APAF1: variants seen among roughly 807,000 people sequenced by gnomAD.
APAF1 encodes the protein apoptotic protease-activating factor 1.
Under a neutral mutation model 152.4 loss-of-function variants are expected in APAF1, and 91 were observed. That is an observed-to-expected ratio of 0.60 (90% CI 0.50 to 0.71). The LOEUF (loss-of-function observed/expected upper bound fraction) is 0.71, where lower values mean the gene tolerates loss of function less well. Among genes scored for constraint, APAF1 ranks in the 30% least tolerant of loss-of-function variants. APAF1 has a pLI of 0.00. For missense variants in APAF1, 1,283 were observed against 1,472.0 expected, an observed-to-expected ratio of 0.87 and a Z score of 2.10; for synonymous variants, 484 against 494.1, an observed-to-expected ratio of 0.98 and a Z score of 0.27.
Position 98,723,704 on chromosome 12 carries a change from T to A in APAF1, c.3270T>A (p.Ser1090=). The A allele has an allele frequency of 6.2e-7, 1 of 1,613,662 alleles. No homozygotes were observed. The highest frequency in any genetic ancestry group is 2.2e-5 in the East Asian group (1 of 44,836). ...DFVCHQGTVL[S]CDISHDATKF... is the part of the protein sequence containing the mutation. Reference sequence around the variant, plus strand: ...TCTGTCACCAGGGTACAGTACTTTCTTGTGACATTTCTCACGATGCTACCA... The same window carrying A: ...TCTGTCACCAGGGTACAGTACTTTCATGTGACATTTCTCACGATGCTACCA... Residue 1090 remains serine, a synonymous_variant, in exon 24 of 27, where the codon TCT becomes TCA. Transcript: ENST00000551964.
intron 21 of APAF1, among the ~76,000 whole-genome samples, chr12:98,714,844 T>C (rs1340631596): frequency 4.2e-5 from 6 of 142,198 alleles, no homozygotes; most frequent in Non-Finnish European, 6.2e-5. Flanking sequence ...TTTTTTTTTC[T>C]TTTTTTTTTT....
chr12:98,703,521 G>A (rs1425100452), intron 18 of APAF1, 22 bp downstream of exon 18: 5 of 1,613,940 alleles, frequency 3.1e-6, no homozygotes, highest in South Asian at 2.2e-5. Context: ...AATTTATTCT[G>A]TGAAGCCTGG....
intron 16 of APAF1, among the ~76,000 whole-genome samples, chr12:98,694,347 G>T (rs923547151): frequency 1.3e-5 from 2 of 152,116 alleles, no homozygotes; most frequent in African/African-American, 4.8e-5. Flanking sequence ...CAGAATGGTG[G>T]CTTCTTTCAA....
intron 22 of APAF1, among the ~76,000 whole-genome samples, chr12:98,719,732 C>T (rs2097739815): frequency 6.6e-6 from 1 of 152,148 alleles, no homozygotes; most frequent in Non-Finnish European, 1.5e-5. Flanking sequence ...GCTTTCCAGC[C>T]TCCCACATTT....
rs1419018765 is a variant in APAF1, at chr12:98,733,995, G to T, written c.*1429G>T. On this transcript the variant is annotated 3_prime_UTR_variant, in exon 27 of 27. Transcript: ENST00000551964. The stretch of plus-strand genomic sequence containing the variant: ...CCACTGCTAAATGTTAGTCATTGAG[G>T]TGGGGCCAATTTTAATCATAAGCCT... The T allele has an allele frequency of 1.3e-5, 2 of 152,270 alleles. No individual in the cohort carries two copies. Among genetic ancestry groups the T allele is most frequent in the East Asian group, 1.9e-4 (1 of 5,190 alleles). The allele number at this position is 152,270 out of a possible 1,614,324, so 9.4% of individuals were successfully genotyped here.
chr12:98,660,838 A>C (rs2097664125), intron 5 of APAF1, among the ~76,000 whole-genome samples: 1 of 152,234 alleles, frequency 6.6e-6, no homozygotes, highest in African/African-American at 2.4e-5. Flanking sequence ...CATATGTAGC[A>C]GTTGCTGAGT....
intron 12 of APAF1, 77 bp from the exon 13 acceptor site, chr12:98,677,348 T>A (rs2153322542): frequency 6.8e-7 from 1 of 1,473,440 alleles, no homozygotes; most frequent in East Asian, 2.4e-5. Flanking sequence ...AAAAGACAGT[T>A]TATTTTAGTA....
At position 98,665,540 on chromosome 12, in the gene APAF1, T is replaced by A; in HGVS notation, c.956-13T>A. On this transcript the variant is annotated splice_polypyrimidine_tract_variant and intron_variant, in intron 7 of 26. Transcript: ENST00000551964. ...GATGGTATTAGCATAGTGACTTCAT[T>A]TTTTTTTTAAAGGCTCTCCCCTTGT... is the stretch of plus-strand genomic sequence containing the variant. 6.3e-7 allele frequency: 1 copy of A among 1,584,134 alleles called. No individual in the cohort carries two copies. Among genetic ancestry groups the A allele is most frequent in the Non-Finnish European group, 8.7e-7 (1 of 1,154,008 alleles).
chr12:98,662,366 T>G, intron 5 of APAF1, 90 bp from the exon 6 acceptor site: 2 of 968,830 alleles, frequency 2.1e-6, no homozygotes, highest in Non-Finnish European at 3.2e-6. Flanking sequence ...TTTAATTTGG[T>G]AGATTTTAAA....
At chr12:98,716,605 T>C (rs921762595) in intron 22 of APAF1, among the ~76,000 whole-genome samples, 4 of 152,204 alleles carry the variant, frequency 2.6e-5, no homozygotes, top group African/African-American at 9.7e-5. Context: ...CTTCATTTTA[T>C]CCCCAGAATC....
intron 2 of APAF1, 36 bp downstream of exon 2, chr12:98,648,533 A>G: frequency 6.2e-7 from 1 of 1,609,620 alleles, no homozygotes; most frequent in Non-Finnish European, 8.5e-7. Flanking sequence ...CTTCCTTAAA[A>G]ATTTTTAGAA....
intron 21 of APAF1, among the ~76,000 whole-genome samples, chr12:98,715,059 T>C (rs1300821917): frequency 1.4e-5 from 2 of 146,462 alleles, no homozygotes; most frequent in Non-Finnish European, 3.0e-5. Context: ...TTCTCTCTTA[T>C]CCATCTTAAA....
At chr12:98,690,335 G>A (rs2097702847) in intron 16 of APAF1, among the ~76,000 whole-genome samples, 1 of 152,166 alleles carries the variant, frequency 6.6e-6, no homozygotes, top group African/African-American at 2.4e-5. Flanking sequence ...CAGGTAAGTG[G>A]ATTTTGGCCT....
At position 98,686,795 on chromosome 12, in the gene APAF1, T is replaced by C; in HGVS notation, c.2226T>C (p.His742=). 6.2e-7 allele frequency: 1 copy of C among 1,613,930 alleles called. No individual in the cohort carries two copies. The highest frequency in any genetic ancestry group is 1.1e-5 in the South Asian group (1 of 91,040). ...AATGTCGAAATACCATGTTTGGTCATACAAATTCAGTCAATCACTGCAGAT... is the reference window on the plus strand; with the variant it reads ...AATGTCGAAATACCATGTTTGGTCACACAAATTCAGTCAATCACTGCAGAT... ...QKECRNTMFG[H]TNSVNHCRFS... Residue 742 remains histidine, a synonymous_variant, in exon 16 of 27, where the codon CAT becomes CAC. Coordinates refer to ENST00000551964, the MANE Select transcript of APAF1 (RefSeq NM_181861.2).
At chr12:98,650,515 T>G (rs2153305312) in intron 4 of APAF1, among the ~76,000 whole-genome samples, 1 of 151,618 alleles carries the variant, frequency 6.6e-6, no homozygotes, top group Admixed American at 6.6e-5. Flanking sequence ...TTTTTTTTTT[T>G]GATATGTATG....
At chr12:98,730,550 A>AT (rs2097759249) in intron 26 of APAF1, among the ~76,000 whole-genome samples, 1 of 152,222 alleles carries the variant, frequency 6.6e-6, no homozygotes, top group Non-Finnish European at 1.5e-5. Flanking sequence ...TATAGATGTT[A>AT]TGTCTGAAGG....
intron 16 of APAF1, among the ~76,000 whole-genome samples, chr12:98,690,219 T>C (rs1293340890): frequency 6.6e-6 from 1 of 152,228 alleles, no homozygotes; most frequent in Non-Finnish European, 1.5e-5. Flanking sequence ...ACTGTTTTTG[T>C]ATAAATTACT....
chr12:98,645,333 TC>T lies in APAF1; in HGVS notation c.-541del, dbSNP rs1323831876. 6.6e-6 allele frequency: 1 copy of T among 152,264 alleles called. No homozygotes were observed. The highest frequency in any genetic ancestry group is 2.4e-5 in the African/African-American group (1 of 41,410). 9.4% of individuals were successfully genotyped at this position (152,264 alleles called of 1,614,324 possible). A position where few individuals can be genotyped will look rare whatever the true frequency, so the allele number is the denominator to read the frequency against. On this transcript the variant is annotated 5_prime_UTR_variant, in exon 1 of 27. Coordinates refer to ENST00000551964, the MANE Select transcript of APAF1 (RefSeq NM_181861.2). ...GTAGCGAGTGGACGTGACTGCTCTA[TC>T]CCGGGCAAAAGGGATAGAACCAGAG... is the stretch of plus-strand genomic sequence containing the variant.
At chr12:98,665,275 TA>T (rs534217008) in intron 7 of APAF1, among the ~76,000 whole-genome samples, 18,976 of 91,024 alleles carry the variant, frequency 0.21, 1,677 homozygotes, top group East Asian at 0.31. Context: ...TATATATATA[TA>T]TATTTTTTTT....
Sources: gnomAD v4.1 joint callset for allele counts (sites outside exome capture counted in the v4.1 genomes callset) on GRCh38, gnomAD v4.1.1 for gene constraint, MANE v1.5 for transcripts, NCBI Gene and HGNC (gene_info 2026-07-23, HGNC 2026-07-21) for gene names.